Variants in PLCB1 observed in about 807,000 individuals in gnomAD.
The protein encoded by PLCB1 is 1-phosphatidylinositol 4,5-bisphosphate phosphodiesterase beta-1.
PLCB1 carries 46 observed loss-of-function variants against 161.8 expected under a neutral mutation model. That is an observed-to-expected ratio of 0.28 (90% CI 0.22 to 0.36). PLCB1 has a LOEUF of 0.36. Among genes scored for constraint, PLCB1 ranks in the 10% least tolerant of loss-of-function variants. The pLI, the probability that PLCB1 is intolerant of heterozygous loss-of-function variation, is 1.00. For synonymous variants in PLCB1, 517 were observed against 503.7 expected (o/e 1.03, Z -0.35); for missense variants, 1,016 against 1,472.5 (o/e 0.69, Z 5.07).
intron 2 of PLCB1, among the ~76,000 whole-genome samples, chr20:8,178,308 C>T (rs1017033319): frequency 1.3e-5 from 2 of 152,110 alleles, no homozygotes; most frequent in Admixed American, 1.3e-4. Flanking sequence ...TACATTCCCA[C>T]CAGCAGTGTA....
intron 31 of PLCB1, among the ~76,000 whole-genome samples, chr20:8,855,381 G>C (rs1418443320): frequency 6.6e-6 from 1 of 152,122 alleles, no homozygotes; most frequent in Non-Finnish European, 1.5e-5. Flanking sequence ...AGATAAACTT[G>C]AGAGAGAAGT....
intron 3 of PLCB1, among the ~76,000 whole-genome samples, chr20:8,495,720 A>G (rs1007139452): frequency 4.0e-5 from 6 of 151,616 alleles, no homozygotes; most frequent in African/African-American, 7.3e-5. Context: ...TACTTAACCA[A>G]TCATGCCACT....
intron 3 of PLCB1, among the ~76,000 whole-genome samples, chr20:8,511,138 A>G (rs1008657217): frequency 6.6e-6 from 1 of 151,950 alleles, no homozygotes; most frequent in Non-Finnish European, 1.5e-5. Flanking sequence ...TCTCTGTCTC[A>G]GCCTCTGGTA....
intron 2 of PLCB1, among the ~76,000 whole-genome samples, chr20:8,230,094 A>G (rs1246878825): frequency 6.7e-6 from 1 of 149,972 alleles, no homozygotes; most frequent in Non-Finnish European, 1.5e-5. Context: ...AGAAATCTGA[A>G]AAACAGAAAA....
intron 11 of PLCB1, among the ~76,000 whole-genome samples, chr20:8,700,489 G>T (rs568758737): frequency 2.5e-4 from 38 of 152,334 alleles, no homozygotes; most frequent in African/African-American, 8.7e-4. Flanking sequence ...TGTAATCCCA[G>T]AGTCACGGGC....
intron 4 of PLCB1, among the ~76,000 whole-genome samples, chr20:8,630,962 G>A (rs185943419): frequency 6.6e-6 from 1 of 152,272 alleles, no homozygotes; most frequent in African/African-American, 2.4e-5. Flanking sequence ...CATCTGTAGA[G>A]ATTTTCCCAG....
Position 8,722,410 on chromosome 20 carries a change from T to A in PLCB1, c.1570T>A (p.Ser524Thr). Residue 524 changes from serine to threonine, a missense_variant, in exon 15 of 32, where the codon TCA (serine) becomes ACA (threonine). Around this residue, in one of 10 missense-constraint regions of PLCB1, gnomAD observed 109 missense variants for 129.7 expected, o/e 0.84. Transcript: ENST00000338037. ...TGATGATGATGACTGTAAAAAATCT[T>A]CAATGGATGAGGTGGGTACTTAGGG... ...DDDDDDCKKSSMDEGTAGSEA... is the reference protein window; with the variant it reads ...DDDDDDCKKSTMDEGTAGSEA... 6.2e-7 allele frequency: 1 copy of A among 1,610,254 alleles called. No homozygotes were observed. Among genetic ancestry groups the A allele is most frequent in the South Asian group, 1.1e-5 (1 of 90,520 alleles).
At position 8,331,349 on chromosome 20, in the gene PLCB1, G is replaced by GT. The variant is rs531663143; in HGVS notation, c.178-40018dup. 7.5e-3 allele frequency among the ~76,000 whole-genome samples: 1,086 copies of GT among 144,074 alleles called. 1 individual carries two copies. The highest frequency in any genetic ancestry group is 0.015 in the Middle Eastern group (4 of 274). The allele number at this position is 144,074 out of a possible 152,430, so 94.5% of individuals were successfully genotyped here. ...AAGAATGAGATTCAATACGTGTGAA[G>GT]TTTTTTTTTTTTTTTCTATGTTCAA... is the stretch of plus-strand genomic sequence containing the variant. On this transcript the variant is annotated intron_variant, in intron 2 of 31. Coordinates refer to ENST00000338037, the MANE Select transcript of PLCB1 (RefSeq NM_015192.4).
chr20:8,568,857 C>T (rs1025750005), intron 3 of PLCB1, among the ~76,000 whole-genome samples: 12 of 152,122 alleles, frequency 7.9e-5, no homozygotes, highest in African/African-American at 7.2e-5. Flanking sequence ...ACCAGTACAG[C>T]GGGGAGAAAT....
chr20:8,274,626 A>G (rs1475162587), intron 2 of PLCB1, among the ~76,000 whole-genome samples: 1 of 152,034 alleles, frequency 6.6e-6, no homozygotes, highest in Non-Finnish European at 1.5e-5. Flanking sequence ...TAAATTATTC[A>G]TCTTGCTTCT....
chr20:8,589,596 G>A (rs544620284), intron 3 of PLCB1, among the ~76,000 whole-genome samples: 1 of 150,220 alleles, frequency 6.7e-6, no homozygotes, highest in South Asian at 2.1e-4. Context: ...GCTCTCTCTG[G>A]GGTCAATCTC....
At chr20:8,400,720 G>T (rs928728689) in intron 3 of PLCB1, among the ~76,000 whole-genome samples, 2 of 152,110 alleles carry the variant, frequency 1.3e-5, no homozygotes, top group African/African-American at 4.8e-5. Context: ...TCTTTTTCTA[G>T]AGGTTGTAGA....
chr20:8,662,052 AT>A (rs1322411483), intron 9 of PLCB1, among the ~76,000 whole-genome samples: 70 of 65,184 alleles, frequency 1.1e-3, no homozygotes, highest in South Asian at 2.1e-3. Flanking sequence ...ATTATATATA[AT>A]TATATATTTA....
At position 8,681,119 on chromosome 20, in the gene PLCB1, T is replaced by TATATATATATATATATATAA. The variant is rs1485697576; in HGVS notation, c.863-3812_863-3811insTATATATATATATATATAAA. On this transcript the variant is annotated intron_variant, in intron 9 of 31. Coordinates refer to ENST00000338037, the MANE Select transcript of PLCB1 (RefSeq NM_015192.4). Reference sequence around the variant, plus strand: ...ATATATATATATATATATATATATATAATATATATAAAATCAGTGTCTCAT... The same window carrying TATATATATATATATATATAA: ...ATATATATATATATATATATATATATATATATATATATATATATAAAATATATATAAAATCAGTGTCTCAT... Among the ~76,000 whole-genome samples, 277 of 81,824 alleles carry TATATATATATATATATATAA rather than the reference T, an allele frequency of 3.4e-3. 3 individuals carry two copies. Among genetic ancestry groups the TATATATATATATATATATAA allele is most frequent in the Middle Eastern group, 5.9e-3 (1 of 170 alleles). 53.7% of individuals were successfully genotyped at this position (81,824 alleles called of 152,430 possible).
chr20:8,539,265 T>C (rs1019539044), intron 3 of PLCB1, among the ~76,000 whole-genome samples: 1 of 152,230 alleles, frequency 6.6e-6, no homozygotes, highest in African/African-American at 2.4e-5. Context: ...ATATGAATGC[T>C]AAGACCTAGT....
chr20:8,604,644 G>A (rs2123152686), intron 3 of PLCB1, among the ~76,000 whole-genome samples: 1 of 152,230 alleles, frequency 6.6e-6, no homozygotes, highest in South Asian at 2.1e-4. Context: ...GTCATTGCTA[G>A]GGTGAAGACT....
chr20:8,741,543 A>G lies in PLCB1; in HGVS notation c.2493A>G (p.Thr831=). Residue 831 remains threonine, a synonymous_variant, in exon 23 of 32, where the codon ACA becomes ACG. Coordinates refer to ENST00000338037, the MANE Select transcript of PLCB1 (RefSeq NM_015192.4). ...GAGCTAAGCAATTGGCTGCTTTGAC[A>G]CTGGAAGATGAAGAAGAAGTAAAGA... The part of the protein sequence containing the change: ...EQRAKQLAAL[T]LEDEEEVKKE... 1 of 1,613,146 alleles carries G rather than the reference A, an allele frequency of 6.2e-7. No individual in the cohort carries two copies. Among genetic ancestry groups the G allele is most frequent in the Non-Finnish European group, 8.5e-7 (1 of 1,179,116 alleles).
intron 4 of PLCB1, among the ~76,000 whole-genome samples, chr20:8,641,971 T>C (rs1276714390): frequency 6.6e-6 from 1 of 152,206 alleles, no homozygotes; most frequent in Non-Finnish European, 1.5e-5. Context: ...CTTTCTCCTA[T>C]TTCTTAAGTT....
At chr20:8,202,381 G>GT (rs955265653) in intron 2 of PLCB1, among the ~76,000 whole-genome samples, 18 of 151,986 alleles carry the variant, frequency 1.2e-4, no homozygotes, top group African/African-American at 3.4e-4. Flanking sequence ...AGCCTATAAT[G>GT]TTTTTTTTAC....
Sources: gnomAD v4.1 joint callset for allele counts (sites outside exome capture counted in the v4.1 genomes callset) on GRCh38, gnomAD v4.1.1 for gene constraint, gnomAD v4.1.1 regional missense constraint, MANE v1.5 for transcripts, NCBI Gene and HGNC (gene_info 2026-07-23, HGNC 2026-07-21) for gene names.